HNRNPC: variants seen among roughly 807,000 people sequenced by gnomAD.
HNRNPC encodes the protein heterogeneous nuclear ribonucleoprotein C, also known as heterogeneous nuclear ribonucleoproteins C1/C2.
A neutral mutation model predicts 33.2 loss-of-function variants in HNRNPC; 3 were observed. The ratio of observed to expected loss-of-function variants is 0.09; its 90% CI spans 0.04 to 0.23. The LOEUF (loss-of-function observed/expected upper bound fraction) is 0.23, where lower values mean the gene tolerates loss of function less well. Ranked by LOEUF, HNRNPC falls within the 10% of genes least tolerant of loss-of-function variation. HNRNPC has a pLI of 1.00. For synonymous variants in HNRNPC, 121 were observed against 126.7 expected (o/e 0.96, Z 0.30); for missense variants, 143 against 366.7 (o/e 0.39, Z 4.98).
chr14:21,267,180 C>T (rs1879165949), intron 1 of HNRNPC, among the ~76,000 whole-genome samples: 1 of 139,046 alleles, frequency 7.2e-6, no homozygotes, highest in Non-Finnish European at 1.6e-5. Context: ...CTTCTGGCAA[C>T]AAAAAATTTG....
At chr14:21,215,725 C>T (rs1458782817) in intron 5 of HNRNPC, among the ~76,000 whole-genome samples, 1 of 151,860 alleles carries the variant, frequency 6.6e-6, no homozygotes, top group East Asian at 1.9e-4. Context: ...TGGGGAAACC[C>T]CGTGTATACT....
intron 1 of HNRNPC, among the ~76,000 whole-genome samples, chr14:21,266,584 C>A (rs926851841): frequency 6.6e-6 from 1 of 150,426 alleles, no homozygotes; most frequent in African/African-American, 2.5e-5. Context: ...TTTCCAATAT[C>A]GAGAATACCT....
chr14:21,257,358 T>C (rs1423472944), intron 2 of HNRNPC, among the ~76,000 whole-genome samples: 5 of 150,726 alleles, frequency 3.3e-5, no homozygotes, highest in African/African-American at 9.8e-5. Flanking sequence ...AACAGAAACA[T>C]GTAACAAAAA....
At chr14:21,226,907 G>T (rs1259594294) in intron 5 of HNRNPC, among the ~76,000 whole-genome samples, 6 of 112,920 alleles carry the variant, frequency 5.3e-5, no homozygotes, top group Admixed American at 5.3e-4. Flanking sequence ...GGGGGGGGGG[G>T]ACAGTGATTT....
chr14:21,213,057 G>A lies in HNRNPC; in HGVS notation c.426C>T (p.Pro142=), dbSNP rs1272606364. The change falls in exon 6 of 9, where the codon CCC becomes CCT. Residue 142 remains proline, a synonymous_variant. Coordinates refer to ENST00000553300, the MANE Select transcript of HNRNPC (RefSeq NM_004500.4). ...TTCCTGATACACGCTGACGTTTCGAGGGCACTACAGCCCGAGCAATAGGAG... is the reference window on the plus strand; with the variant it reads ...TTCCTGATACACGCTGACGTTTCGAAGGCACTACAGCCCGAGCAATAGGAG... ...PPPPIARAVV[P]SKRQRVSGNT... The A allele has an allele frequency of 6.2e-7, 1 of 1,613,886 alleles. No homozygotes were observed. Among genetic ancestry groups the A allele is most frequent in the South Asian group, 1.1e-5 (1 of 91,076 alleles).
chr14:21,219,108 C>CAAAAAAAAAAAA (rs555837563), intron 5 of HNRNPC, among the ~76,000 whole-genome samples: 1 of 96,392 alleles, frequency 1.0e-5, no homozygotes, highest in African/African-American at 3.8e-5. Flanking sequence ...GACTCTTTCT[C>CAAAAAAAAAAAA]AAAAAAAAAA....
At chr14:21,227,647 T>C (rs568413198) in intron 5 of HNRNPC, among the ~76,000 whole-genome samples, 15 of 152,324 alleles carry the variant, frequency 9.8e-5, no homozygotes, top group South Asian at 4.1e-4. Flanking sequence ...TCTGCAAACG[T>C]GATTTCTTTA....
chr14:21,218,010 T>G (rs1051138061), intron 5 of HNRNPC, among the ~76,000 whole-genome samples: 1 of 152,184 alleles, frequency 6.6e-6, no homozygotes. Context: ...ATTCTGAAAC[T>G]TGACTGGATT....
intron 5 of HNRNPC, among the ~76,000 whole-genome samples, chr14:21,214,563 G>C (rs898996074): frequency 1.1e-4 from 17 of 152,062 alleles, no homozygotes; most frequent in African/African-American, 4.1e-4. Context: ...ATGCGGAACA[G>C]AGCAACACTG....
chr14:21,255,911 G>A (rs7142957), intron 2 of HNRNPC, among the ~76,000 whole-genome samples: 56,734 of 152,008 alleles, frequency 0.37, 10,806 homozygotes, highest in African/African-American at 0.43. Flanking sequence ...TGAGTAAAAA[G>A]TCTCAGAGGA....
At chr14:21,264,645 T>C (rs987551418) in intron 1 of HNRNPC, 13 of 152,222 alleles carry the variant, frequency 8.5e-5, no homozygotes, top group Middle Eastern at 3.2e-3. Context: ...GCAATTAGAC[T>C]GTAGTTCCTT....
chr14:21,256,448 T>C (rs1321400731), intron 2 of HNRNPC, among the ~76,000 whole-genome samples: 2 of 147,548 alleles, frequency 1.4e-5, no homozygotes, highest in Non-Finnish European at 3.0e-5. Context: ...AAACTCCATC[T>C]CCCCCCCAAA....
intron 5 of HNRNPC, among the ~76,000 whole-genome samples, chr14:21,227,055 A>C (rs1057169342): frequency 1.1e-4 from 17 of 152,110 alleles, no homozygotes; most frequent in African/African-American, 3.9e-4. Context: ...TATGATAATG[A>C]ATCTTCAGAA....
chr14:21,268,566 T>G (rs1426521665), intron 1 of HNRNPC: 1 of 152,160 alleles, frequency 6.6e-6, no homozygotes, highest in Non-Finnish European at 1.5e-5. Flanking sequence ...AATATGACCC[T>G]AGCAACCAAC....
At chr14:21,226,459 TCAA>T (rs1474271834) in intron 5 of HNRNPC, among the ~76,000 whole-genome samples, 5 of 152,062 alleles carry the variant, frequency 3.3e-5, no homozygotes, top group Admixed American at 2.6e-4. Context: ...CTCGCTTAAT[TCAA>T]CAACTACAGC....
intron 5 of HNRNPC, among the ~76,000 whole-genome samples, chr14:21,225,145 G>A (rs1434434418): frequency 1.3e-5 from 2 of 151,970 alleles, no homozygotes; most frequent in Admixed American, 6.6e-5. Context: ...AAGAGGCCAG[G>A]AACGATGGCT....
Position 21,259,249 on chromosome 14 carries a change from T to C in HNRNPC, c.-37+4062A>G, listed in dbSNP as rs141418254. On this transcript the variant is annotated intron_variant, in intron 2 of 8. Transcript: ENST00000553300. ...TTAGCTACTTCCACGTAGCTAAGCT[T>C]CCCTGGCAGCATCCCCCAAATTCCA... Among the ~76,000 whole-genome samples the C allele has an allele frequency of 3.1e-4, 47 of 152,330 alleles. 1 individual carries two copies. In the East Asian group the frequency reaches 8.5e-3, roughly 28 times the overall value.
At position 21,247,149 on chromosome 14, in the gene HNRNPC, T is replaced by C. The variant is rs145752668; in HGVS notation, c.-36-12920A>G. Among the ~76,000 whole-genome samples the C allele has an allele frequency of 4.5e-3, 683 of 152,276 alleles. 3 individuals are homozygous for C. Among genetic ancestry groups the C allele is most frequent in the African/African-American group, 0.016 (667 of 41,526 alleles). On this transcript the variant is annotated intron_variant, in intron 2 of 8. Coordinates refer to ENST00000553300, the MANE Select transcript of HNRNPC (RefSeq NM_004500.4). ...CAACTGTAAATATAAGAATCCTTAT[T>C]TATCAATGTAATCCTAACCTCTATG...
At chr14:21,251,151 C>A (rs1408134131) in intron 2 of HNRNPC, among the ~76,000 whole-genome samples, 2 of 148,538 alleles carry the variant, frequency 1.3e-5, no homozygotes, top group Non-Finnish European at 1.5e-5. Context: ...GTCCTGGCTA[C>A]TCGGGAGGCT....
Sources: gnomAD v4.1 joint callset for allele counts (sites outside exome capture counted in the v4.1 genomes callset) on GRCh38, gnomAD v4.1.1 for gene constraint, MANE v1.5 for transcripts, NCBI Gene and HGNC (gene_info 2026-07-23, HGNC 2026-07-21) for gene names.